The following FRYL variants were observed in gnomAD, a reference collection of about 807,000 sequenced individuals.
FRYL encodes the protein FRY like transcription coactivator.
In FRYL, 150 loss-of-function variants were observed where a neutral mutation model predicts 351.2. The observed-to-expected ratio is 0.43, with a 90% CI of 0.37 to 0.49. The LOEUF (loss-of-function observed/expected upper bound fraction) is 0.49, where lower values mean the gene tolerates loss of function less well. Among genes scored for constraint, FRYL ranks in the 20% least tolerant of loss-of-function variants. FRYL has a pLI of 0.00. For synonymous variants in FRYL, 1,153 were observed against 1,257.1 expected (o/e 0.92, Z 1.75); for missense variants, 3,036 against 3,619.3 (o/e 0.84, Z 4.13).
At chr4:48,721,884 C>T (rs1334923546) in intron 1 of FRYL, among the ~76,000 whole-genome samples, 1 of 152,154 alleles carries the variant, frequency 6.6e-6, no homozygotes, top group Admixed American at 6.5e-5. Context: ...AGGTGATCCA[C>T]CTGCTTCGGC....
Position 48,553,663 on chromosome 4 carries a change from A to AC in FRYL, c.4267-281_4267-280insG, listed in dbSNP as rs1301122895. 2.5e-4 allele frequency among the ~76,000 whole-genome samples: 38 copies of AC among 150,276 alleles called. 1 individual carries two copies. The highest frequency in any genetic ancestry group is 9.3e-4 in the African/African-American group (38 of 40,906). ...CACTTTCTTTACTTTAAAAAAAAAA[A>AC]AAAAAAAAAACAAAAAAATACTTTT... On this transcript the variant is annotated intron_variant, in intron 35 of 63. Transcript: ENST00000358350.
At chr4:48,528,700 G>A (rs2148868014) in intron 50 of FRYL, among the ~76,000 whole-genome samples, 1 of 152,116 alleles carries the variant, frequency 6.6e-6, no homozygotes, top group South Asian at 2.1e-4. Flanking sequence ...CAAATCATCT[G>A]TTTTCTTACC....
At chr4:48,624,507 T>A (rs566901343) in intron 4 of FRYL, among the ~76,000 whole-genome samples, 2 of 152,234 alleles carry the variant, frequency 1.3e-5, no homozygotes, top group South Asian at 4.1e-4. Context: ...AAAATTAGTA[T>A]AGAAAGATCA....
intron 20 of FRYL, 23 bp from the exon 21 acceptor site, chr4:48,581,628 C>T (rs1740917624): frequency 1.9e-6 from 3 of 1,559,090 alleles, no homozygotes; most frequent in South Asian, 1.2e-5. Context: ...AAGTTAAAAA[C>T]AAAATATAAA....
At chr4:48,608,912 T>C in intron 9 of FRYL, 75 bp downstream of exon 9, 1 of 876,032 alleles carries the variant, frequency 1.1e-6, no homozygotes. Context: ...GAACTATCAG[T>C]ATCTATTGTA....
At chr4:48,558,841 C>T (rs1287868570) in intron 33 of FRYL, among the ~76,000 whole-genome samples, 1 of 152,190 alleles carries the variant, frequency 6.6e-6, no homozygotes, top group East Asian at 1.9e-4. Flanking sequence ...AAGGACAATT[C>T]CAAAGCCCGT....
In FRYL at chr4:48,693,622, TA is replaced by T. The variant is rs78951413; in HGVS notation, c.-203-8828del. 6.7e-3 allele frequency among the ~76,000 whole-genome samples: 921 copies of T among 136,772 alleles called. 3 individuals are homozygous for T. Among genetic ancestry groups the T allele is most frequent in the South Asian group, 9.8e-3 (42 of 4,300 alleles). The allele number at this position is 136,772 out of a possible 152,430, so 89.7% of individuals were successfully genotyped here. A position where few individuals can be genotyped will look rare whatever the true frequency, so the allele number is the denominator to read the frequency against. ...ACAACAAAACAATAATTCAGCGATT[TA>T]AAAAAAAAAAAAAGACCAAAAATAC... On this transcript the variant is annotated intron_variant, in intron 2 of 63. Coordinates refer to ENST00000358350, the MANE Select transcript of FRYL (RefSeq NM_015030.2).
intron 52 of FRYL, 76 bp from the exon 53 acceptor site, chr4:48,527,729 A>G: frequency 7.2e-7 from 1 of 1,397,362 alleles, no homozygotes; most frequent in Non-Finnish European, 9.8e-7. Context: ...TCAGTACCCC[A>G]AAGCCACCGC....
intron 25 of FRYL, chr4:48,574,509 G>A (rs1284798313): frequency 6.6e-6 from 1 of 152,096 alleles, no homozygotes; most frequent in Non-Finnish European, 1.5e-5. Flanking sequence ...TATACAATCT[G>A]AAGCGAAACC....
chr4:48,550,486 C>T (rs375170426), intron 38 of FRYL, 106 bp downstream of exon 38: 17 of 718,986 alleles, frequency 2.4e-5, no homozygotes, highest in African/African-American at 5.3e-5. Context: ...CAGTTAAATA[C>T]GCTTTTTAAA....
At chr4:48,651,086 T>G (rs1396327993) in intron 3 of FRYL, among the ~76,000 whole-genome samples, 3 of 152,110 alleles carry the variant, frequency 2.0e-5, no homozygotes, top group African/African-American at 7.2e-5. Flanking sequence ...TAGTTCAATG[T>G]GATTCCTTCT....
chr4:48,721,407 G>A (rs1312462711), intron 1 of FRYL, among the ~76,000 whole-genome samples: 1 of 151,034 alleles, frequency 6.6e-6, no homozygotes, highest in Non-Finnish European at 1.5e-5. Flanking sequence ...GCTCACACCT[G>A]TAATCCTAGT....
intron 1 of FRYL, among the ~76,000 whole-genome samples, chr4:48,771,523 G>A (rs1327401942): frequency 6.6e-6 from 1 of 152,206 alleles, no homozygotes; most frequent in Non-Finnish European, 1.5e-5. Context: ...AGGAAAAACA[G>A]TTCTTCTCCA....
intron 3 of FRYL, among the ~76,000 whole-genome samples, chr4:48,653,410 C>G (rs145688175): frequency 1.3e-5 from 2 of 152,038 alleles, no homozygotes; most frequent in African/African-American, 2.4e-5. Context: ...CTTCTTCCCC[C>G]GTCCCACACC....
chr4:48,570,787 G>T (rs375148068), intron 27 of FRYL, 40 bp downstream of exon 27: 99 of 1,399,822 alleles, frequency 7.1e-5, no homozygotes, highest in Middle Eastern at 1.8e-4. Context: ...CGTTCTCTAG[G>T]ATCATTCCAG....
At chr4:48,760,223 G>T (rs1252749454) in intron 1 of FRYL, among the ~76,000 whole-genome samples, 1 of 151,742 alleles carries the variant, frequency 6.6e-6, no homozygotes, top group Admixed American at 6.6e-5. Context: ...GTGCAGTAGT[G>T]CAATCTCAGC....
chr4:48,656,378 A>ATATCT (rs1759101302), intron 3 of FRYL, among the ~76,000 whole-genome samples: 1 of 117,156 alleles, frequency 8.5e-6, no homozygotes, highest in Non-Finnish European at 1.8e-5. Context: ...TATATACTAA[A>ATATCT]TATATAATAT....
Position 48,665,786 on chromosome 4 carries a change from G to A in FRYL, c.-81+18887C>T, listed in dbSNP as rs1166265119. Among the ~76,000 whole-genome samples, 4 of 152,164 alleles carry A rather than the reference G, an allele frequency of 2.6e-5. No homozygotes were observed. The East Asian group carries it at 7.7e-4, about 29-fold the overall frequency. On this transcript the variant is annotated intron_variant, in intron 3 of 63. Coordinates refer to ENST00000358350, the MANE Select transcript of FRYL (RefSeq NM_015030.2). The stretch of plus-strand genomic sequence containing the variant: ...GAGACTTAAACTGCAACTACCCAGG[G>A]TGTACGGAGACCTCTTACAGTCACC...
intron 1 of FRYL, among the ~76,000 whole-genome samples, chr4:48,740,325 C>T (rs1362001746): frequency 1.9e-4 from 24 of 127,506 alleles, no homozygotes; most frequent in African/African-American, 6.9e-4. Context: ...GACAGAGTCT[C>T]GCTCTGTCAC....
Sources: gnomAD v4.1 joint callset for allele counts (sites outside exome capture counted in the v4.1 genomes callset) on GRCh38, gnomAD v4.1.1 for gene constraint, MANE v1.5 for transcripts, NCBI Gene and HGNC (gene_info 2026-07-23, HGNC 2026-07-21) for gene names.